The following RAB8B variants were observed in gnomAD, a reference collection of about 807,000 sequenced individuals.
RAB8B encodes the protein ras-related protein Rab-8B.
In RAB8B, 11 loss-of-function variants were observed where a neutral mutation model predicts 32.0. The ratio of observed to expected loss-of-function variants is 0.34; its 90% CI spans 0.22 to 0.57. The LOEUF is 0.57. RAB8B is among the 20% of genes least tolerant of loss of function. RAB8B has a pLI of 0.86. For synonymous variants in RAB8B, 103 were observed against 89.6 expected, an observed-to-expected ratio of 1.15 and a Z score of -0.85; for missense variants, 190 against 258.5, an observed-to-expected ratio of 0.73 and a Z score of 1.82.
intron 1 of RAB8B, among the ~76,000 whole-genome samples, chr15:63,233,986 A>G (rs892647702): frequency 1.3e-5 from 2 of 152,188 alleles, no homozygotes; most frequent in African/African-American, 4.8e-5. Flanking sequence ...ATTTTTTTTC[A>G]AGGTTCTCAT....
chr15:63,219,169 G>A (rs1022251703), intron 1 of RAB8B, among the ~76,000 whole-genome samples: 2 of 151,568 alleles, frequency 1.3e-5, no homozygotes, highest in Non-Finnish European at 2.9e-5. Flanking sequence ...GTGGTGGCAC[G>A]CGCCTGTAGT....
At chr15:63,260,675 A>G (rs1595752251) in intron 6 of RAB8B, among the ~76,000 whole-genome samples, 1 of 151,944 alleles carries the variant, frequency 6.6e-6, no homozygotes, top group Non-Finnish European at 1.5e-5. Context: ...CCCAGAACTT[A>G]AAGTGTAAAA....
chr15:63,242,557 A>C (rs2038041299), intron 1 of RAB8B, among the ~76,000 whole-genome samples: 1 of 152,150 alleles, frequency 6.6e-6, no homozygotes, highest in Admixed American at 6.5e-5. Flanking sequence ...GCATACCTGT[A>C]GTCCCAGCTA....
chr15:63,235,007 C>A (rs1472377946), intron 1 of RAB8B, among the ~76,000 whole-genome samples: 1 of 152,138 alleles, frequency 6.6e-6, no homozygotes, highest in Non-Finnish European at 1.5e-5. Context: ...CCTTGCCACC[C>A]CACTTCCCTG....
chr15:63,238,753 C>T (rs1457146991), intron 1 of RAB8B, among the ~76,000 whole-genome samples: 1 of 152,104 alleles, frequency 6.6e-6, no homozygotes, highest in Non-Finnish European at 1.5e-5. Context: ...AGTGACCCAG[C>T]TCCAGGGATA....
chr15:63,253,555 G>A (rs1474531703), intron 3 of RAB8B, among the ~76,000 whole-genome samples: 1 of 152,100 alleles, frequency 6.6e-6, no homozygotes, highest in Non-Finnish European at 1.5e-5. Context: ...GGTGGCTCAT[G>A]CCCGTAATCT....
intron 1 of RAB8B, among the ~76,000 whole-genome samples, chr15:63,242,933 T>C (rs1251572782): frequency 6.6e-6 from 1 of 152,206 alleles, no homozygotes; most frequent in African/African-American, 2.4e-5. Flanking sequence ...ACTTATATTC[T>C]ATTTTTATTA....
chr15:63,244,455 G>A (rs926421982), intron 1 of RAB8B, among the ~76,000 whole-genome samples: 2 of 152,158 alleles, frequency 1.3e-5, no homozygotes, highest in African/African-American at 4.8e-5. Context: ...TCAGGAAGTA[G>A]GAAATATGGC....
chr15:63,205,506 AAC>A (rs2037690775), intron 1 of RAB8B, among the ~76,000 whole-genome samples: 1 of 152,228 alleles, frequency 6.6e-6, no homozygotes, highest in Non-Finnish European at 1.5e-5. Context: ...TCAAAAAACA[AAC>A]AAAAAAAATA....
intron 1 of RAB8B, chr15:63,224,066 G>A (rs1012867509): frequency 5.8e-6 from 1 of 173,150 alleles, no homozygotes; most frequent in African/African-American, 2.4e-5. Context: ...ATCAAAACAA[G>A]GAAATGCTTA....
At chr15:63,258,843 G>A (rs117947955) in intron 5 of RAB8B, among the ~76,000 whole-genome samples, 1,734 of 152,220 alleles carry the variant, frequency 0.011, 19 homozygotes, top group Non-Finnish European at 0.018. Context: ...GGTTGTGGGA[G>A]GGGACCAATC....
intron 1 of RAB8B, among the ~76,000 whole-genome samples, chr15:63,210,464 A>C (rs1441784181): frequency 6.6e-6 from 1 of 152,224 alleles, no homozygotes; most frequent in African/African-American, 2.4e-5. Context: ...CTGAGACTGA[A>C]TTGTGTGAAA....
At chr15:63,197,361 C>CTTTTTTTTTTTTTTTTTTTTT (rs1465805419) in intron 1 of RAB8B, among the ~76,000 whole-genome samples, 1 of 93,194 alleles carries the variant, frequency 1.1e-5, no homozygotes, top group Non-Finnish European at 2.2e-5. Context: ...TTCTTTCTTT[C>CTTTTTTTTTTTTTTTTTTTTT]TTTCTTTTCT....
At chr15:63,193,929 G>T (rs1345470378) in intron 1 of RAB8B, among the ~76,000 whole-genome samples, 2 of 152,162 alleles carry the variant, frequency 1.3e-5, no homozygotes, top group African/African-American at 2.4e-5. Flanking sequence ...TCTGGGAAAT[G>T]GATGCATTTT....
At chr15:63,218,833 C>T (rs1448722507) in intron 1 of RAB8B, among the ~76,000 whole-genome samples, 1 of 151,834 alleles carries the variant, frequency 6.6e-6, no homozygotes, top group African/African-American at 2.4e-5. Context: ...TCTTAGCCTC[C>T]CTGCTTGTTA....
In RAB8B at chr15:63,259,789, AT is replaced by A; in HGVS notation, c.480+98del. The A allele has an allele frequency of 9.2e-7, 1 of 1,090,812 alleles. No homozygotes were observed. Among genetic ancestry groups the A allele is most frequent in the Non-Finnish European group, 1.4e-6 (1 of 735,374 alleles). 67.6% of individuals were successfully genotyped at this position (1,090,812 alleles called of 1,614,324 possible). A position where few individuals can be genotyped will look rare whatever the true frequency, so the allele number is the denominator to read the frequency against. On this transcript the variant is annotated intron_variant, in intron 6 of 7. Transcript: ENST00000321437. This position sits in a 1 kb window ranked among gnomAD's most constrained non-coding sequence, Gnocchi z 4.4. ...CAGAGCTTTGGTATTTTCTGACCTAATGAATGCCTTTTGTTGACCCAACTCT... is the reference window on the plus strand; with the variant it reads ...CAGAGCTTTGGTATTTTCTGACCTAAGAATGCCTTTTGTTGACCCAACTCT...
chr15:63,195,824 G>A (rs1250661541), intron 1 of RAB8B, among the ~76,000 whole-genome samples: 1 of 152,190 alleles, frequency 6.6e-6, no homozygotes, highest in Non-Finnish European at 1.5e-5. Context: ...ATTTTAGGTG[G>A]CGAGTAATGT....
At chr15:63,213,810 C>T (rs1434822930) in intron 1 of RAB8B, among the ~76,000 whole-genome samples, 3 of 152,110 alleles carry the variant, frequency 2.0e-5, no homozygotes, top group South Asian at 2.1e-4. Context: ...AGGCCAGGCG[C>T]GGTGGCTCAC....
At chr15:63,230,127 TA>T (rs1485321241) in intron 1 of RAB8B, among the ~76,000 whole-genome samples, 1 of 152,220 alleles carries the variant, frequency 6.6e-6, no homozygotes, top group Non-Finnish European at 1.5e-5. Flanking sequence ...AGCAATAGCT[TA>T]TTATAATTAT....
Sources: allele counts gnomAD v4.1 joint callset (sites outside exome capture counted in the v4.1 genomes callset), GRCh38; gene constraint gnomAD v4.1.1; non-coding constraint Gnocchi (gnomAD v3.1); transcripts MANE v1.5; gene names NCBI Gene and HGNC (gene_info 2026-07-23, HGNC 2026-07-21).